Variants in COL24A1 observed in about 807,000 individuals in gnomAD.
The protein encoded by COL24A1 is collagen type XXIV alpha 1 chain.
In COL24A1, 224 loss-of-function variants were observed where a neutral mutation model predicts 253.9. That is an observed-to-expected ratio of 0.88 (90% CI 0.79 to 0.99). COL24A1 has a LOEUF of 0.99. Ranked by LOEUF, COL24A1 falls within the 50% of genes least tolerant of loss-of-function variation. The probability of loss-of-function intolerance (pLI) is 0.00; values close to 1 mark genes in which losing one functional copy is unlikely to be tolerated. For synonymous variants in COL24A1, 685 were observed against 673.7 expected, an observed-to-expected ratio of 1.02 and a Z score of -0.26; for missense variants, 2,131 against 2,068.5, an observed-to-expected ratio of 1.03 and a Z score of -0.59.
intron 51 of COL24A1, among the ~76,000 whole-genome samples, chr1:85,782,276 T>C (rs779489312): frequency 6.6e-6 from 1 of 152,126 alleles, no homozygotes; most frequent in Non-Finnish European, 1.5e-5. Flanking sequence ...TTATTAGAGA[T>C]GGGGTTTTAC....
At chr1:85,761,120 A>T (rs1380258707) in intron 55 of COL24A1, among the ~76,000 whole-genome samples, 1 of 152,204 alleles carries the variant, frequency 6.6e-6, no homozygotes, top group East Asian at 1.9e-4. Context: ...TCAAGTGCTT[A>T]TTATGTATTA....
chr1:86,149,701 A>G (rs952094255), intron 1 of COL24A1, among the ~76,000 whole-genome samples: 3 of 152,150 alleles, frequency 2.0e-5, no homozygotes, highest in South Asian at 2.1e-4. Flanking sequence ...AACTTCCCCA[A>G]TGACCTCAGT....
At chr1:85,801,477 C>T (rs770388317) in intron 47 of COL24A1, among the ~76,000 whole-genome samples, 28 of 152,182 alleles carry the variant, frequency 1.8e-4, no homozygotes, top group Non-Finnish European at 3.4e-4. Context: ...TTGGGTTATT[C>T]TCAACTATAG....
At chr1:85,746,532 A>G (rs1448108635) in intron 55 of COL24A1, among the ~76,000 whole-genome samples, 2 of 152,214 alleles carry the variant, frequency 1.3e-5, no homozygotes, top group Non-Finnish European at 2.9e-5. Context: ...AAAAATCCTA[A>G]TTACCAATTG....
chr1:86,135,487 T>C (rs539645326), intron 2 of COL24A1, among the ~76,000 whole-genome samples: 1 of 152,232 alleles, frequency 6.6e-6, no homozygotes, highest in African/African-American at 2.4e-5. Flanking sequence ...CTTCTATATG[T>C]CTCATATATC....
chr1:86,128,285 C>T (rs1507263), intron 2 of COL24A1, among the ~76,000 whole-genome samples: 94,552 of 151,740 alleles, frequency 0.62, 29,643 homozygotes, highest in Middle Eastern at 0.67. Flanking sequence ...AAATTTACAC[C>T]GCCGAAACTA....
At chr1:85,782,232 A>T (rs1417892776) in intron 51 of COL24A1, among the ~76,000 whole-genome samples, 1 of 152,082 alleles carries the variant, frequency 6.6e-6, no homozygotes, top group African/African-American at 2.4e-5. Flanking sequence ...GATTACAGGC[A>T]TGTGCCACCA....
chr1:85,733,582 A>AT (rs200237796), intron 59 of COL24A1, among the ~76,000 whole-genome samples: 11,974 of 144,874 alleles, frequency 0.083, 757 homozygotes, highest in East Asian at 0.38. Context: ...CTGTCATTTA[A>AT]TTTTTTTTTT....
intron 17 of COL24A1, 114 bp downstream of exon 17, chr1:86,022,424 A>C: frequency 7.4e-6 from 10 of 1,346,110 alleles, no homozygotes; most frequent in Non-Finnish European, 1.0e-5. Flanking sequence ...ACAAGAACTT[A>C]AAACCATATT....
At chr1:85,843,034 A>C (rs12562000) in intron 39 of COL24A1, among the ~76,000 whole-genome samples, 7,238 of 152,168 alleles carry the variant, frequency 0.048, 506 homozygotes, top group Admixed American at 0.2. Flanking sequence ...AACAAAAAAA[A>C]CCTGAAAAAG....
chr1:86,033,611 T>G (rs748807022), intron 13 of COL24A1, among the ~76,000 whole-genome samples: 3 of 152,092 alleles, frequency 2.0e-5, no homozygotes, highest in Non-Finnish European at 4.4e-5. Flanking sequence ...TGATCACATA[T>G]TTTTAATATT....
intron 2 of COL24A1, among the ~76,000 whole-genome samples, chr1:86,134,329 T>G (rs1218902911): frequency 1.3e-5 from 2 of 152,058 alleles, no homozygotes; most frequent in Non-Finnish European, 2.9e-5. Flanking sequence ...TTTTGAAGGT[T>G]TTTTGTGTCT....
intron 43 of COL24A1, among the ~76,000 whole-genome samples, chr1:85,834,299 A>T (rs1570834180): frequency 6.6e-6 from 1 of 151,824 alleles, no homozygotes; most frequent in East Asian, 1.9e-4. Context: ...AGTGAGAGAG[A>T]GAGATTGAGA....
intron 5 of COL24A1, among the ~76,000 whole-genome samples, chr1:86,104,276 A>G (rs1026803063): frequency 6.6e-6 from 1 of 152,094 alleles, no homozygotes; most frequent in Non-Finnish European, 1.5e-5. Context: ...CAGCTCCTGT[A>G]TCATTTCATT....
rs1469904631 is a variant in COL24A1 at position 85,938,675 on chromosome 1, T to C, written c.2562+22574A>G. 6.2e-5 allele frequency among the ~76,000 whole-genome samples: 9 copies of C among 146,020 alleles called. 1 individual carries two copies. Among genetic ancestry groups the C allele is most frequent in the Non-Finnish European group, 9.0e-5 (6 of 66,310 alleles). ...GTAGACTGTGGTGAACACCAAGATA[T>C]GCTTCCAAGGTACTCCTTCAAGGAA... On this transcript the variant is annotated intron_variant, in intron 24 of 59. Transcript: ENST00000370571.
At chr1:86,132,390 T>C (rs1185695117) in intron 2 of COL24A1, among the ~76,000 whole-genome samples, 2 of 152,184 alleles carry the variant, frequency 1.3e-5, no homozygotes, top group African/African-American at 2.4e-5. Context: ...TTTGTCAATT[T>C]TGGCTTTTGT....
At chr1:85,932,577 C>T (rs1687842212) in intron 24 of COL24A1, among the ~76,000 whole-genome samples, 1 of 92,886 alleles carries the variant, frequency 1.1e-5, no homozygotes, top group Non-Finnish European at 2.1e-5. Context: ...CCCAGCCATC[C>T]CATTACTGGG....
chr1:85,871,465 A>G (rs1352716599), intron 35 of COL24A1, among the ~76,000 whole-genome samples: 3 of 152,174 alleles, frequency 2.0e-5, no homozygotes, highest in Non-Finnish European at 4.4e-5. Context: ...CTAGCAAATT[A>G]AATCCAGCAG....
intron 38 of COL24A1, among the ~76,000 whole-genome samples, chr1:85,849,080 C>G (rs1390034455): frequency 6.6e-6 from 1 of 151,996 alleles, no homozygotes; most frequent in Non-Finnish European, 1.5e-5. Flanking sequence ...TGCCCATGGT[C>G]TACTAAAAGA....
Sources: gnomAD v4.1 joint callset for allele counts (sites outside exome capture counted in the v4.1 genomes callset) on GRCh38, gnomAD v4.1.1 for gene constraint, MANE v1.5 for transcripts, NCBI Gene and HGNC (gene_info 2026-07-23, HGNC 2026-07-21) for gene names.